MCMDC2: variants seen among roughly 807,000 people sequenced by gnomAD.
The protein encoded by MCMDC2 is minichromosome maintenance domain-containing protein 2.
Under a neutral mutation model 75.8 loss-of-function variants are expected in MCMDC2, and 54 were observed. That is an observed-to-expected ratio of 0.71 (90% CI 0.57 to 0.89). The LOEUF is 0.89. Among genes scored for constraint, MCMDC2 ranks in the 40% least tolerant of loss-of-function variants. MCMDC2 has a pLI of 0.00. For synonymous variants in MCMDC2, 249 were observed against 274.6 expected, an observed-to-expected ratio of 0.91 and a Z score of 0.92; for missense variants, 656 against 780.4, an observed-to-expected ratio of 0.84 and a Z score of 1.90.
intron 8 of MCMDC2, among the ~76,000 whole-genome samples, chr8:66,883,418 G>A (rs1811685404): frequency 6.6e-6 from 1 of 152,106 alleles, no homozygotes; most frequent in Non-Finnish European, 1.5e-5. Context: ...TGGACACAAA[G>A]GGTGACTTCT....
chr8:66,878,842 C>G lies in MCMDC2; in HGVS notation c.632C>G (p.Thr211Arg). 6.2e-7 allele frequency: 1 copy of G among 1,608,074 alleles called. No individual in the cohort carries two copies. Residue 211 changes from threonine (T) to arginine (R), a missense_variant, in exon 7 of 15, where the codon ACA becomes AGA. Transcript: ENST00000422365. ...GDKQIVEIIA[T>R]KALRAFQGYS... is the part of the protein sequence containing the mutation. ...AAACAAATAGTTGAAATAATTGCCA[C>G]AAAGGCACTTCGTGCTTTTCAAGGA...
At chr8:66,906,390 G>A (rs1049528509) in intron 14 of MCMDC2, among the ~76,000 whole-genome samples, 7 of 152,170 alleles carry the variant, frequency 4.6e-5, no homozygotes, top group South Asian at 2.1e-4. Context: ...TCGAATATTA[G>A]AACTTTGTTC....
intron 9 of MCMDC2, 79 bp downstream of exon 9, chr8:66,884,073 A>G: frequency 1.1e-6 from 1 of 897,844 alleles, no homozygotes; most frequent in South Asian, 1.5e-5. Flanking sequence ...CATTATTACA[A>G]GAAGAATATT....
intron 4 of MCMDC2, among the ~76,000 whole-genome samples, chr8:66,876,446 G>A (rs1192157462): frequency 6.6e-6 from 1 of 152,058 alleles, no homozygotes; most frequent in African/African-American, 2.4e-5. Context: ...AAATATATAT[G>A]GTATGTTTCA....
chr8:66,885,946 T>C (rs1476455322), intron 9 of MCMDC2, among the ~76,000 whole-genome samples: 1 of 152,200 alleles, frequency 6.6e-6, no homozygotes, highest in Non-Finnish European at 1.5e-5. Context: ...TAGTTCATTG[T>C]TTCTGTTGAT....
chr8:66,902,443 C>A (rs1812707553), intron 13 of MCMDC2, among the ~76,000 whole-genome samples: 1 of 151,042 alleles, frequency 6.6e-6, no homozygotes, highest in Non-Finnish European at 1.5e-5. Flanking sequence ...AATCCCAGCA[C>A]TTTGGGAGGC....
At chr8:66,907,529 A>C (rs1361629630) in intron 14 of MCMDC2, among the ~76,000 whole-genome samples, 2 of 152,178 alleles carry the variant, frequency 1.3e-5, no homozygotes, top group African/African-American at 4.8e-5. Context: ...TGCTGCAATA[A>C]ACATACGTGT....
chr8:66,896,740 A>G (rs770637822), intron 11 of MCMDC2, 40 bp from the exon 12 acceptor site: 9 of 1,429,282 alleles, frequency 6.3e-6, no homozygotes, highest in Non-Finnish European at 3.7e-6. Context: ...TGAAAATTAC[A>G]AAGTTTAATG....
chr8:66,918,771 G>A (rs1813413154), intron 14 of MCMDC2, among the ~76,000 whole-genome samples: 1 of 152,074 alleles, frequency 6.6e-6, no homozygotes, highest in East Asian at 1.9e-4. Flanking sequence ...TGCACTTACT[G>A]AACCTGCTTT....
chr8:66,899,480 C>T (rs1305701651), intron 12 of MCMDC2, among the ~76,000 whole-genome samples: 1 of 152,134 alleles, frequency 6.6e-6, no homozygotes, highest in African/African-American at 2.4e-5. Flanking sequence ...CAGGACATGT[C>T]CAATCTAGGA....
At chr8:66,897,433 AAAG>A (rs1812413855) in intron 12 of MCMDC2, among the ~76,000 whole-genome samples, 1 of 151,816 alleles carries the variant, frequency 6.6e-6, no homozygotes, top group African/African-American at 2.4e-5. Flanking sequence ...AAAAAAGAAA[AAAG>A]AAAGAAATTA....
chr8:66,901,311 T>G lies in MCMDC2; in HGVS notation c.1732T>G (p.Cys578Gly), dbSNP rs145255251. The G allele has an allele frequency of 2.0e-5, 33 of 1,613,176 alleles. No individual in the cohort carries two copies. The African/African-American group carries it at 4.3e-4, about 21-fold the overall frequency. The change falls in exon 13 of 15, where the codon TGT (cysteine) becomes GGT (glycine). Residue 578 changes from cysteine to glycine, a missense_variant. By Grantham distance (159) the Cys-to-Gly change is radical. Coordinates refer to ENST00000422365, the MANE Select transcript of MCMDC2 (RefSeq NM_173518.5). Reference sequence around the variant, plus strand: ...TCGCAGAATCAGAACAGGCTCTGTATGTGGATCAAAGCTGTCAGCATCTGC... The same window carrying G: ...TCGCAGAATCAGAACAGGCTCTGTAGGTGGATCAAAGCTGTCAGCATCTGC... ...ASRRIRTGSV[C>G]GSKLSASALK... is the part of the protein sequence containing the mutation.
chr8:66,898,106 T>C (rs1388345973), intron 12 of MCMDC2, among the ~76,000 whole-genome samples: 1 of 152,088 alleles, frequency 6.6e-6, no homozygotes. Context: ...TTGGTTTTAT[T>C]ATATAGGAAA....
intron 13 of MCMDC2, among the ~76,000 whole-genome samples, chr8:66,902,882 G>A (rs1812763432): frequency 6.6e-6 from 1 of 151,636 alleles, no homozygotes; most frequent in African/African-American, 2.4e-5. Flanking sequence ...TACTTTGGGA[G>A]GCCAAGTTGG....
chr8:66,891,151 G>A, intron 10 of MCMDC2, 81 bp downstream of exon 10: 1 of 1,208,538 alleles, frequency 8.3e-7, no homozygotes, highest in Non-Finnish European at 1.1e-6. Flanking sequence ...AGTTAAGATA[G>A]TATTGCAGTT....
At chr8:66,871,631 C>A (rs1811022145) in intron 1 of MCMDC2, 1 of 152,194 alleles carries the variant, frequency 6.6e-6, no homozygotes, top group Non-Finnish European at 1.5e-5. Flanking sequence ...AAATAAAAAT[C>A]TGACTATGGG....
chr8:66,896,346 A>G lies in MCMDC2; in HGVS notation c.1446+10A>G. ...TCTAATTGGTCAGATGGTAAGGTAT[A>G]TGTATATTTTATTGTTAGAATGTTG... On this transcript the variant is annotated intron_variant, in intron 11 of 14. Transcript: ENST00000422365. 2.6e-6 allele frequency: 4 copies of G among 1,565,452 alleles called. No individual in the cohort carries two copies. The highest frequency in any genetic ancestry group is 3.4e-6 in the Non-Finnish European group (4 of 1,164,322).
intron 1 of MCMDC2, among the ~76,000 whole-genome samples, chr8:66,872,873 G>A (rs1188255688): frequency 7.0e-6 from 1 of 143,004 alleles, no homozygotes; most frequent in Non-Finnish European, 1.5e-5. Context: ...CAGGAGAATC[G>A]TTTGAACCCA....
At chr8:66,892,531 G>A (rs1027728848) in intron 10 of MCMDC2, among the ~76,000 whole-genome samples, 4 of 152,204 alleles carry the variant, frequency 2.6e-5, no homozygotes, top group African/African-American at 7.2e-5. Flanking sequence ...TGGGTAGCTC[G>A]TACCCCCAGG....
Sources: allele counts gnomAD v4.1 joint callset (sites outside exome capture counted in the v4.1 genomes callset), GRCh38; gene constraint gnomAD v4.1.1; transcripts MANE v1.5; gene names NCBI Gene and HGNC (gene_info 2026-07-23, HGNC 2026-07-21).